The following BIRC2 variants were observed in gnomAD, a reference collection of about 807,000 sequenced individuals.
BIRC2 encodes the protein baculoviral IAP repeat-containing protein 2.
BIRC2 carries 18 observed loss-of-function variants against 60.9 expected under a neutral mutation model. The ratio of observed to expected loss-of-function variants is 0.30; its 90% CI spans 0.20 to 0.44. The LOEUF (loss-of-function observed/expected upper bound fraction) is 0.44, where lower values mean the gene tolerates loss of function less well. Ranked by LOEUF, BIRC2 falls within the 20% of genes least tolerant of loss-of-function variation. The pLI is 1.00. For missense variants in BIRC2, 701 were observed against 728.5 expected, an observed-to-expected ratio of 0.96 and a Z score of 0.43; for synonymous variants, 282 against 247.7, an observed-to-expected ratio of 1.14 and a Z score of -1.30.
chr11:102,371,650 C>A lies in BIRC2; in HGVS notation c.1366+3102C>A, dbSNP rs1219939185. On this transcript the variant is annotated intron_variant, in intron 6 of 8. Coordinates refer to ENST00000227758, the MANE Select transcript of BIRC2 (RefSeq NM_001166.5). ...TCTCTTTTTTTGTTGTGTCTCTGCCCGGCTTTGGTATCAGAATGATGCTGG... is the reference window on the plus strand; with the variant it reads ...TCTCTTTTTTTGTTGTGTCTCTGCCAGGCTTTGGTATCAGAATGATGCTGG... 1.2e-4 allele frequency among the ~76,000 whole-genome samples: 18 copies of A among 146,038 alleles called. 1 individual carries two copies. The highest frequency in any genetic ancestry group is 6.0e-4 in the East Asian group (3 of 5,032).
At position 102,378,352 on chromosome 11, in the gene BIRC2, A is replaced by G; in HGVS notation, c.*169A>G. Reference sequence around the variant, plus strand: ...TGTTTCTGAAAAGATGGTATCATATATTTAATCTTAATCTGTTTATTTACA... The same window carrying G: ...TGTTTCTGAAAAGATGGTATCATATGTTTAATCTTAATCTGTTTATTTACA... On this transcript the variant is annotated 3_prime_UTR_variant, in exon 9 of 9. Coordinates refer to ENST00000227758, the MANE Select transcript of BIRC2 (RefSeq NM_001166.5). 1.8e-6 allele frequency: 1 copy of G among 548,314 alleles called. No homozygotes were observed. Among genetic ancestry groups the G allele is most frequent in the Non-Finnish European group, 3.1e-6 (1 of 326,848 alleles). The allele number at this position is 548,314 out of a possible 1,614,324, so 34.0% of individuals were successfully genotyped here.
chr11:102,375,974 T>A (rs910884667), intron 6 of BIRC2, among the ~76,000 whole-genome samples: 53 of 152,070 alleles, frequency 3.5e-4, no homozygotes, highest in African/African-American at 1.2e-3. Context: ...TTTTTTTTTT[T>A]TAAGCATTAG....
At chr11:102,359,045 G>A (rs1213892205) in intron 3 of BIRC2, among the ~76,000 whole-genome samples, 1 of 152,052 alleles carries the variant, frequency 6.6e-6, no homozygotes, top group African/African-American at 2.4e-5. Context: ...TTCCTCTCTT[G>A]CTGTCTTCCC....
intron 3 of BIRC2, among the ~76,000 whole-genome samples, chr11:102,360,323 G>C (rs185062595): frequency 1.3e-5 from 2 of 151,864 alleles, no homozygotes; most frequent in Non-Finnish European, 2.9e-5. Flanking sequence ...ATTCAGGTAG[G>C]CTTTCTCCAC....
At position 102,373,019 on chromosome 11, in the gene BIRC2, G is replaced by A. The variant is rs1951653227; in HGVS notation, c.1366+4471G>A. On this transcript the variant is annotated intron_variant, in intron 6 of 8. Coordinates refer to ENST00000227758, the MANE Select transcript of BIRC2 (RefSeq NM_001166.5). ...GCCTCTTTTTGTTTTCCATTTGCTT[G>A]GTAGATCTTCCTCCATCCTTTTATT... is the stretch of plus-strand genomic sequence containing the variant. Among the ~76,000 whole-genome samples the A allele has an allele frequency of 2.0e-5, 3 of 151,438 alleles. 1 individual carries two copies.
chr11:102,357,811 C>T (rs1214280834), intron 3 of BIRC2, among the ~76,000 whole-genome samples: 1 of 151,872 alleles, frequency 6.6e-6, no homozygotes, highest in African/African-American at 2.4e-5. Context: ...CTAACTTTTT[C>T]TAGTTCCTTT....
intron 3 of BIRC2, among the ~76,000 whole-genome samples, chr11:102,354,908 A>G (rs1440774472): frequency 1.4e-5 from 2 of 141,940 alleles, no homozygotes; most frequent in Non-Finnish European, 3.0e-5. Flanking sequence ...ATTTCTGTTC[A>G]GGTCCTTTGC....
chr11:102,368,376 T>C lies in BIRC2; in HGVS notation c.1194T>C (p.Ser398=), dbSNP rs369042949. 1 of 1,614,064 alleles carries C rather than the reference T, an allele frequency of 6.2e-7. No individual in the cohort carries two copies. Among genetic ancestry groups the C allele is most frequent in the East Asian group, 2.2e-5 (1 of 44,860 alleles). ...AVMMNTPVVK[S]ALEMGFNRDL... ...TGATGAATACACCTGTGGTTAAATCTGCCTTGGAAATGGGCTTTAATAGAG... is the reference window on the plus strand; with the variant it reads ...TGATGAATACACCTGTGGTTAAATCCGCCTTGGAAATGGGCTTTAATAGAG... The change falls in exon 6 of 9, where the codon TCT becomes TCC. Residue 398 remains serine (S), a synonymous_variant. Coordinates refer to ENST00000227758, the MANE Select transcript of BIRC2 (RefSeq NM_001166.5).
At chr11:102,365,678 G>A (rs1444504803) in intron 5 of BIRC2, among the ~76,000 whole-genome samples, 1 of 152,124 alleles carries the variant, frequency 6.6e-6, no homozygotes, top group Non-Finnish European at 1.5e-5. Context: ...CCTGGCTCAG[G>A]TGATTCTCTC....
rs777390642 is a variant in BIRC2, at chr11:102,349,888, G to T, written c.34G>T (p.Gly12Cys). ...HKTASQRLFP[G>C]PSYQNIKSIM... ...AACTGCCTCCCAAAGACTTTTCCCA[G>T]GTCCCTCGTATCAAAACATTAAGAG... The change falls in exon 2 of 9, where the codon GGT becomes TGT. Residue 12 changes from glycine to cysteine, a missense_variant. By Grantham distance (159) the Gly-to-Cys change is radical. Transcript: ENST00000227758. The T allele has an allele frequency of 5.0e-6, 8 of 1,611,612 alleles. No homozygotes were observed. Among genetic ancestry groups the T allele is most frequent in the Non-Finnish European group, 6.8e-6 (8 of 1,178,448 alleles).
At chr11:102,361,517 T>G (rs567069955) in intron 3 of BIRC2, among the ~76,000 whole-genome samples, 33 of 152,012 alleles carry the variant, frequency 2.2e-4, no homozygotes, top group Non-Finnish European at 3.7e-4. Context: ...CTCCAGGGGG[T>G]TCACAGCAGC....
chr11:102,362,650 C>T (rs1023898781), intron 3 of BIRC2: 9 of 354,188 alleles, frequency 2.5e-5, no homozygotes, highest in South Asian at 1.0e-4. Context: ...TAGGTGCAGA[C>T]GCTTTTCTTT....
chr11:102,354,944 G>GTTTTTTTTTTTTTTTTTTT (rs61520984), intron 3 of BIRC2, among the ~76,000 whole-genome samples: 1 of 89,648 alleles, frequency 1.1e-5, no homozygotes, highest in African/African-American at 4.4e-5. Context: ...AATTATTTGG[G>GTTTTTTTTTTTTTTTTTTT]TTTTTTTTTT....
chr11:102,354,010 C>T (rs1951392209), intron 3 of BIRC2, among the ~76,000 whole-genome samples: 1 of 152,142 alleles, frequency 6.6e-6, no homozygotes, highest in African/African-American at 2.4e-5. Context: ...CCTGTGCATC[C>T]AAAATTCAGC....
At chr11:102,377,254 G>C (rs1012507172) in intron 6 of BIRC2, among the ~76,000 whole-genome samples, 1 of 152,074 alleles carries the variant, frequency 6.6e-6, no homozygotes, top group Non-Finnish European at 1.5e-5. Context: ...CAAATCTCTT[G>C]CAACAAAATA....
At chr11:102,364,431 A>G (rs915112457) in intron 5 of BIRC2, among the ~76,000 whole-genome samples, 2 of 152,074 alleles carry the variant, frequency 1.3e-5, no homozygotes, top group Admixed American at 1.3e-4. Flanking sequence ...GAAAACGTCA[A>G]TTCACATATG....
At chr11:102,373,113 CTT>C (rs1334714192) in intron 6 of BIRC2, among the ~76,000 whole-genome samples, 13 of 150,254 alleles carry the variant, frequency 8.7e-5, no homozygotes, top group East Asian at 2.0e-4. Context: ...GGTCTTGACT[CTT>C]TATCCAATTT....
intron 3 of BIRC2, among the ~76,000 whole-genome samples, chr11:102,352,192 T>C (rs1183017810): frequency 2.0e-5 from 3 of 150,564 alleles, no homozygotes; most frequent in Admixed American, 6.6e-5. Flanking sequence ...CGGCTCACTG[T>C]AAGCTCCACC....
At chr11:102,351,548 G>A (rs1339091879) in intron 3 of BIRC2, among the ~76,000 whole-genome samples, 1 of 144,024 alleles carries the variant, frequency 6.9e-6, no homozygotes. Flanking sequence ...TCAGGAGGCG[G>A]AGGCTGCAGT....
Sources: gnomAD v4.1 joint callset for allele counts (sites outside exome capture counted in the v4.1 genomes callset) on GRCh38, gnomAD v4.1.1 for gene constraint, MANE v1.5 for transcripts, NCBI Gene and HGNC (gene_info 2026-07-23, HGNC 2026-07-21) for gene names.